The following GRM7 variants were observed in gnomAD, a reference collection of about 807,000 sequenced individuals.
GRM7 encodes glutamate metabotropic receptor 7, also known as metabotropic glutamate receptor 7.
Under a neutral mutation model 84.5 loss-of-function variants are expected in GRM7, and 35 were observed. That is an observed-to-expected ratio of 0.41 (90% CI 0.32 to 0.55). GRM7 has a LOEUF of 0.55. Among genes scored for constraint, GRM7 ranks in the 20% least tolerant of loss-of-function variants. The pLI, the probability that GRM7 is intolerant of heterozygous loss-of-function variation, is 0.19. For synonymous variants in GRM7, 487 were observed against 455.1 expected, an observed-to-expected ratio of 1.07 and a Z score of -0.89; for missense variants, 1,003 against 1,194.6, an observed-to-expected ratio of 0.84 and a Z score of 2.36.
At chr3:6,926,121 T>A (rs1004456472) in intron 1 of GRM7, among the ~76,000 whole-genome samples, 2 of 152,148 alleles carry the variant, frequency 1.3e-5, no homozygotes, top group African/African-American at 4.8e-5. Flanking sequence ...TTAAATGTAA[T>A]TCTTATGTCA....
chr3:7,140,851 T>A (rs1574953299), intron 1 of GRM7, among the ~76,000 whole-genome samples: 2 of 152,112 alleles, frequency 1.3e-5, no homozygotes, highest in South Asian at 4.1e-4. Flanking sequence ...ACGGTATTTT[T>A]GAAGCAAGTC....
chr3:7,734,385 G>T (rs1276060723), intron 9 of GRM7, among the ~76,000 whole-genome samples: 1 of 152,164 alleles, frequency 6.6e-6, no homozygotes, highest in East Asian at 1.9e-4. Context: ...TAAAAAATGT[G>T]AATATACAAT....
chr3:7,256,135 A>G (rs949092070), intron 2 of GRM7, among the ~76,000 whole-genome samples: 2 of 152,110 alleles, frequency 1.3e-5, no homozygotes, highest in Non-Finnish European at 2.9e-5. Flanking sequence ...TCTCATTGCA[A>G]TGAACTTTCC....
chr3:7,040,488 A>G (rs1010412220), intron 1 of GRM7, among the ~76,000 whole-genome samples: 10 of 151,894 alleles, frequency 6.6e-5, no homozygotes, highest in African/African-American at 2.2e-4. Flanking sequence ...TATTTTTAGT[A>G]GAGACAGGGT....
chr3:6,888,088 T>C (rs1291992966), intron 1 of GRM7, among the ~76,000 whole-genome samples: 1 of 152,198 alleles, frequency 6.6e-6, no homozygotes, highest in African/African-American at 2.4e-5. Flanking sequence ...GTTTGTTTTT[T>C]TCTTGTAAAT....
intron 2 of GRM7, among the ~76,000 whole-genome samples, chr3:7,268,880 GACCGAGTC>G (rs1698744973): frequency 1.3e-5 from 2 of 152,082 alleles, no homozygotes; most frequent in African/African-American, 4.8e-5. Flanking sequence ...TGATTTGGTG[GACCGAGTC>G]CAGGAGCTCA....
rs552984545 is a variant in GRM7, at chr3:7,591,628, A to G, written c.2451+12271A>G. 14 of 341,226 alleles carry G rather than the reference A, an allele frequency of 4.1e-5. No individual in the cohort carries two copies. The Middle Eastern group carries it at 1.2e-3, about 28-fold the overall frequency. The allele number at this position is 341,226 out of a possible 1,614,324, so 21.1% of individuals were successfully genotyped here. On this transcript the variant is annotated intron_variant, in intron 8 of 9. Coordinates refer to ENST00000357716, the MANE Select transcript of GRM7 (RefSeq NM_000844.4). ...GCTAACAAAAGGGAGGTGACAGTGC[A>G]TTATAGAACTTCTACATAATATAGT... is the stretch of plus-strand genomic sequence containing the variant.
intron 8 of GRM7, among the ~76,000 whole-genome samples, chr3:7,610,618 T>C (rs1696806790): frequency 6.6e-6 from 1 of 152,178 alleles, no homozygotes; most frequent in Admixed American, 6.6e-5. Flanking sequence ...AGGAAAAACA[T>C]CAGCTATTGC....
At chr3:6,959,946 A>G (rs548982814) in intron 1 of GRM7, among the ~76,000 whole-genome samples, 12 of 152,274 alleles carry the variant, frequency 7.9e-5, no homozygotes, top group African/African-American at 2.6e-4. Context: ...TTCTTTCTGT[A>G]GCACCAGAAA....
At position 7,679,974 on chromosome 3, in the gene GRM7, A is replaced by G. The variant is rs1056435846; in HGVS notation, c.2452-75A>G. ...TATCTCCTAGCCATAGTCGTTCTTG[A>G]CATCGCTTTAAGTGTTCAGACCCCT... On this transcript the variant is annotated intron_variant, in intron 8 of 9. Coordinates refer to ENST00000357716, the MANE Select transcript of GRM7 (RefSeq NM_000844.4). 2.9e-6 allele frequency: 4 copies of G among 1,386,282 alleles called. No individual in the cohort carries two copies. The African/African-American group carries it at 5.7e-5, about 20-fold the overall frequency. The allele number at this position is 1,386,282 out of a possible 1,614,324, so 85.9% of individuals were successfully genotyped here. A position where few individuals can be genotyped will look rare whatever the true frequency, so the allele number is the denominator to read the frequency against.
At chr3:7,573,152 T>C (rs1437277031) in intron 7 of GRM7, among the ~76,000 whole-genome samples, 1 of 151,844 alleles carries the variant, frequency 6.6e-6, no homozygotes, top group Non-Finnish European at 1.5e-5. Flanking sequence ...CCTGGCGCTT[T>C]CCTAGTATTG....
intron 2 of GRM7, among the ~76,000 whole-genome samples, chr3:7,202,658 G>A (rs181621965): frequency 9.2e-5 from 14 of 152,184 alleles, no homozygotes; most frequent in Non-Finnish European, 1.6e-4. Context: ...AACAAATAGC[G>A]TTCATGCAAA....
intron 1 of GRM7, among the ~76,000 whole-genome samples, chr3:7,133,285 G>T (rs986718658): frequency 5.9e-5 from 9 of 152,320 alleles, no homozygotes; most frequent in African/African-American, 1.7e-4. Flanking sequence ...TGATGGTTGA[G>T]ATTCCCCTTT....
chr3:6,916,233 A>G (rs184171363), intron 1 of GRM7, among the ~76,000 whole-genome samples: 103 of 152,340 alleles, frequency 6.8e-4, no homozygotes, highest in African/African-American at 2.3e-3. Flanking sequence ...GGAAAGCTTG[A>G]TGGTACTAAA....
intron 7 of GRM7, among the ~76,000 whole-genome samples, chr3:7,489,073 T>C (rs762484171): frequency 6.6e-6 from 1 of 152,222 alleles, no homozygotes; most frequent in Non-Finnish European, 1.5e-5. Flanking sequence ...TAAATTCATT[T>C]AATAACCACT....
At chr3:6,989,068 C>T (rs967402901) in intron 1 of GRM7, among the ~76,000 whole-genome samples, 15 of 152,134 alleles carry the variant, frequency 9.9e-5, no homozygotes, top group Admixed American at 9.8e-4. Context: ...CCATCAAGCT[C>T]TTTAAATGGC....
chr3:7,063,343 A>G (rs1697500047), intron 1 of GRM7, among the ~76,000 whole-genome samples: 1 of 151,716 alleles, frequency 6.6e-6, no homozygotes, highest in African/African-American at 2.4e-5. Context: ...TTGAGCTCAC[A>G]GACTGCTGTT....
Position 6,861,421 on chromosome 3 carries a change from G to A in GRM7, c.33G>A (p.Leu11=). 6.3e-7 allele frequency: 1 copy of A among 1,596,814 alleles called. No homozygotes were observed. The highest frequency in any genetic ancestry group is 8.5e-7 in the Non-Finnish European group (1 of 1,173,560). ...AGCTGAGGAAGCTGCTCCGCGTCCTGACTTTGATGAAGTTCCCCTGCTGCG... is the reference window on the plus strand; with the variant it reads ...AGCTGAGGAAGCTGCTCCGCGTCCTAACTTTGATGAAGTTCCCCTGCTGCG... The part of the protein sequence containing the change: MVQLRKLLRV[L]TLMKFPCCVL... The change falls in exon 1 of 10, where the codon CTG becomes CTA. Residue 11 remains leucine, a synonymous_variant. Transcript: ENST00000357716. The surrounding 1 kb of genome is among the most constrained non-coding windows in gnomAD (Gnocchi z 6.4).
intron 4 of GRM7, among the ~76,000 whole-genome samples, chr3:7,351,338 C>CAA (rs1559258100): frequency 2.4e-5 from 1 of 41,368 alleles, no homozygotes. Context: ...TTCCCACAGG[C>CAA]GAAAAAAAAA....
Sources: gnomAD v4.1 joint callset for allele counts (sites outside exome capture counted in the v4.1 genomes callset) on GRCh38, gnomAD v4.1.1 for gene constraint, Gnocchi (gnomAD v3.1) non-coding constraint, MANE v1.5 for transcripts, NCBI Gene and HGNC (gene_info 2026-07-23, HGNC 2026-07-21) for gene names.